The following ZBTB20 variants were observed in gnomAD, a reference collection of about 807,000 sequenced individuals.
ZBTB20 encodes zinc finger and BTB domain containing 20.
In ZBTB20, 9 loss-of-function variants were observed where a neutral mutation model predicts 56.9. The ratio of observed to expected loss-of-function variants is 0.16; its 90% CI spans 0.10 to 0.28. ZBTB20 has a LOEUF of 0.28. Among genes scored for constraint, ZBTB20 ranks in the 10% least tolerant of loss-of-function variants. The probability of loss-of-function intolerance (pLI) is 1.00; values close to 1 mark genes in which losing one functional copy is unlikely to be tolerated. For missense variants in ZBTB20, 655 were observed against 1,003.0 expected (o/e 0.65, Z 4.69); for synonymous variants, 417 against 420.7 (o/e 0.99, Z 0.11).
At chr3:114,616,806 C>A (rs2057976148) in intron 6 of ZBTB20, among the ~76,000 whole-genome samples, 1 of 152,152 alleles carries the variant, frequency 6.6e-6, no homozygotes, top group Admixed American at 6.5e-5. Flanking sequence ...TTGTAATCTT[C>A]CCCCATCCTC....
chr3:114,809,926 G>A (rs979079573), intron 4 of ZBTB20, among the ~76,000 whole-genome samples: 8 of 152,090 alleles, frequency 5.3e-5, no homozygotes, highest in Non-Finnish European at 1.0e-4. Flanking sequence ...ATGCTGTGCC[G>A]CTGCTGATGT....
At chr3:114,991,640 T>A (rs2078815278) in intron 2 of ZBTB20, among the ~76,000 whole-genome samples, 1 of 152,114 alleles carries the variant, frequency 6.6e-6, no homozygotes, top group South Asian at 2.1e-4. Context: ...CAGAGCTGAG[T>A]TCAAATCCTG....
intron 7 of ZBTB20, among the ~76,000 whole-genome samples, chr3:114,413,873 A>G (rs947415205): frequency 6.6e-6 from 1 of 152,180 alleles, no homozygotes; most frequent in East Asian, 1.9e-4. Flanking sequence ...ATTTAGGATT[A>G]TCTACTTCTG....
intron 3 of ZBTB20, among the ~76,000 whole-genome samples, chr3:114,973,967 C>T (rs1217192541): frequency 6.6e-6 from 1 of 151,742 alleles, no homozygotes; most frequent in African/African-American, 2.4e-5. Flanking sequence ...TTGTAAAGCT[C>T]TTCCTCAGGA....
chr3:114,464,978 G>A (rs745377318), intron 7 of ZBTB20, among the ~76,000 whole-genome samples: 3 of 150,444 alleles, frequency 2.0e-5, no homozygotes, highest in African/African-American at 4.9e-5. Context: ...TTTCCCCTTC[G>A]TTTTTCCTTC....
chr3:114,945,164 C>T lies in ZBTB20; in HGVS notation c.-456+29202G>A, dbSNP rs546121577. On this transcript the variant is annotated intron_variant, in intron 3 of 11. Transcript: ENST00000675478. ...ATATACACAAAAAAGTAAATACCAA[C>T]GTAGAATTCTCTAACCAATGAAAGT... 2.2e-3 allele frequency among the ~76,000 whole-genome samples: 317 copies of T among 144,658 alleles called. 7 individuals carry two copies. Among genetic ancestry groups the T allele is most frequent in the Non-Finnish European group, 3.5e-3 (239 of 67,356 alleles). 94.9% of individuals were successfully genotyped at this position (144,658 alleles called of 152,430 possible).
chr3:114,973,845 T>C (rs1298008319), intron 3 of ZBTB20, among the ~76,000 whole-genome samples: 1 of 152,190 alleles, frequency 6.6e-6, no homozygotes, highest in Non-Finnish European at 1.5e-5. Flanking sequence ...CACACGAGTC[T>C]ATTGTAAACT....
chr3:115,143,000 A>G (rs181028596), intron 1 of ZBTB20, among the ~76,000 whole-genome samples: 12 of 152,328 alleles, frequency 7.9e-5, no homozygotes, highest in African/African-American at 2.9e-4. Flanking sequence ...AAGACTCACC[A>G]TGACAGATGG....
At chr3:115,086,208 T>G (rs1376470601) in intron 1 of ZBTB20, among the ~76,000 whole-genome samples, 1 of 151,904 alleles carries the variant, frequency 6.6e-6, no homozygotes, top group Non-Finnish European at 1.5e-5. Context: ...TTTATGCTTT[T>G]AGGTCACTGT....
chr3:114,678,256 T>C (rs2061750030), intron 6 of ZBTB20, among the ~76,000 whole-genome samples: 1 of 152,192 alleles, frequency 6.6e-6, no homozygotes, highest in Admixed American at 6.5e-5. Flanking sequence ...ATGCTCTCCA[T>C]TGGTGCCTTG....
intron 1 of ZBTB20, among the ~76,000 whole-genome samples, chr3:115,091,407 C>A (rs1035580754): frequency 6.6e-6 from 1 of 151,682 alleles, no homozygotes; most frequent in African/African-American, 2.4e-5. Flanking sequence ...AGGAAGTAGA[C>A]CTAAAAAAAC....
At chr3:115,138,475 T>C (rs566546986) in intron 1 of ZBTB20, among the ~76,000 whole-genome samples, 4 of 152,206 alleles carry the variant, frequency 2.6e-5, no homozygotes, top group African/African-American at 7.2e-5. Context: ...TCCAAATCTA[T>C]GCCTTTCTGA....
At chr3:114,827,328 T>C (rs1004360268) in intron 4 of ZBTB20, among the ~76,000 whole-genome samples, 1 of 151,660 alleles carries the variant, frequency 6.6e-6, no homozygotes, top group African/African-American at 2.4e-5. Context: ...ACAGTTTCTG[T>C]ATATAGTGTA....
intron 2 of ZBTB20, among the ~76,000 whole-genome samples, chr3:115,011,497 C>T (rs937710140): frequency 1.3e-5 from 2 of 151,794 alleles, no homozygotes; most frequent in Admixed American, 6.6e-5. Flanking sequence ...CAGAGAGTGG[C>T]AGGTAATATT....
At chr3:115,088,577 C>T (rs1459544597) in intron 1 of ZBTB20, among the ~76,000 whole-genome samples, 1 of 151,742 alleles carries the variant, frequency 6.6e-6, no homozygotes, top group East Asian at 1.9e-4. Context: ...CATTTTACTG[C>T]ATATCAATAA....
intron 4 of ZBTB20, among the ~76,000 whole-genome samples, chr3:114,870,981 C>T (rs1010558242): frequency 9.2e-5 from 14 of 151,970 alleles, no homozygotes; most frequent in Admixed American, 2.0e-4. Flanking sequence ...ATTTTTCATT[C>T]CCCCAATTCC....
chr3:114,534,727 C>T (rs766751341), intron 6 of ZBTB20, among the ~76,000 whole-genome samples: 15 of 152,072 alleles, frequency 9.9e-5, no homozygotes, highest in Admixed American at 2.0e-4. Flanking sequence ...TAAAACTGAC[C>T]GCATAATTGG....
intron 11 of ZBTB20, among the ~76,000 whole-genome samples, chr3:114,340,584 G>C (rs368875283): frequency 6.6e-6 from 1 of 152,134 alleles, no homozygotes; most frequent in Admixed American, 6.5e-5. Context: ...CCATGGGTCC[G>C]TGACATCTCT....
intron 6 of ZBTB20, among the ~76,000 whole-genome samples, chr3:114,648,251 T>C (rs1322037594): frequency 2.0e-5 from 3 of 151,888 alleles, no homozygotes; most frequent in African/African-American, 4.8e-5. Context: ...TAAATATCAT[T>C]AATAGCTATA....
Sources: allele counts gnomAD v4.1 joint callset (sites outside exome capture counted in the v4.1 genomes callset), GRCh38; gene constraint gnomAD v4.1.1; transcripts MANE v1.5; gene names NCBI Gene and HGNC (gene_info 2026-07-23, HGNC 2026-07-21).